PTN: variants seen among roughly 807,000 people sequenced by gnomAD.
The protein encoded by PTN is heparin affin regulatory protein.
Under a neutral mutation model 24.1 loss-of-function variants are expected in PTN, and 18 were observed. That is an observed-to-expected ratio of 0.75 (90% CI 0.52 to 1.11). The LOEUF (loss-of-function observed/expected upper bound fraction) is 1.11. Among genes scored for constraint, PTN ranks in the 50% least tolerant of loss-of-function variants. PTN has a pLI of 0.00. For synonymous variants in PTN, 78 were observed against 68.6 expected (o/e 1.14, Z -0.67); for missense variants, 163 against 198.8 (o/e 0.82, Z 1.08).
intron 4 of PTN, among the ~76,000 whole-genome samples, chr7:137,237,306 C>T (rs1808540891): frequency 6.6e-6 from 1 of 152,106 alleles, no homozygotes; most frequent in African/African-American, 2.4e-5. Flanking sequence ...CCTCATAGGG[C>T]ACCAACCCTG....
chr7:137,301,077 GAGTAT>G (rs946141863), intron 1 of PTN, among the ~76,000 whole-genome samples: 1 of 151,950 alleles, frequency 6.6e-6, no homozygotes, highest in African/African-American at 2.4e-5. Flanking sequence ...AATGTATAAA[GAGTAT>G]AGTACAGTAT....
chr7:137,256,556 C>T (rs928373134), intron 1 of PTN, among the ~76,000 whole-genome samples: 3 of 152,106 alleles, frequency 2.0e-5, no homozygotes, highest in Non-Finnish European at 4.4e-5. Flanking sequence ...TTTCTTTATC[C>T]AGTCTATCAT....
At chr7:137,298,718 C>T (rs558766847) in intron 1 of PTN, among the ~76,000 whole-genome samples, 1 of 152,112 alleles carries the variant, frequency 6.6e-6, no homozygotes, top group Admixed American at 6.6e-5. Context: ...TGTCAACTCC[C>T]TTTGCTCTTG....
chr7:137,255,272 G>A (rs1808901202), intron 1 of PTN, among the ~76,000 whole-genome samples: 1 of 152,168 alleles, frequency 6.6e-6, no homozygotes, highest in African/African-American at 2.4e-5. Flanking sequence ...AACTTTGAAG[G>A]CATGCATTTG....
In PTN at chr7:137,254,981, A is replaced by G; in HGVS notation, c.-1-7T>C. The G allele has an allele frequency of 6.6e-7, 1 of 1,514,622 alleles. No individual in the cohort carries two copies. Among genetic ancestry groups the G allele is most frequent in the Non-Finnish European group, 9.0e-7 (1 of 1,110,196 alleles). The allele number at this position is 1,514,622 out of a possible 1,614,324, so 93.8% of individuals were successfully genotyped here. A position where few individuals can be genotyped will look rare whatever the true frequency, so the allele number is the denominator to read the frequency against. The stretch of plus-strand genomic sequence containing the variant: ...GTACTGTTGAGCCTGCATTCTAGGA[A>G]TAAACAGAGAAAGAGAAGAAGGTGG... On this transcript the variant is annotated splice_region_variant and splice_polypyrimidine_tract_variant and intron_variant, in intron 1 of 4. Transcript: ENST00000348225.
At chr7:137,317,459 T>C (rs1409926209) in intron 1 of PTN, among the ~76,000 whole-genome samples, 2 of 152,200 alleles carry the variant, frequency 1.3e-5, no homozygotes, top group African/African-American at 4.8e-5. Context: ...GGAGGAATCC[T>C]AGAGATCCCC....
chr7:137,295,352 A>G (rs1213796296), intron 1 of PTN, among the ~76,000 whole-genome samples: 2 of 152,132 alleles, frequency 1.3e-5, no homozygotes, highest in Non-Finnish European at 2.9e-5. Flanking sequence ...CTCAAAGCAG[A>G]TACCATTGTA....
rs115471987 is a variant in PTN at position 137,311,890 on chromosome 7, C to T, written c.-2+31549G>A. ...ATGACACAGAGACACAAAGCGACCA[C>T]ATGCTGTTGGAAAATGGTGCTGATA... On this transcript the variant is annotated intron_variant, in intron 1 of 4. Transcript: ENST00000348225. 1.9e-4 allele frequency among the ~76,000 whole-genome samples: 26 copies of T among 137,760 alleles called. 2 individuals are homozygous for T. Among genetic ancestry groups the T allele is most frequent in the African/African-American group, 8.9e-4 (25 of 28,036 alleles). The allele number at this position is 137,760 out of a possible 152,430, so 90.4% of individuals were successfully genotyped here. A position where few individuals can be genotyped will look rare whatever the true frequency, so the allele number is the denominator to read the frequency against.
At chr7:137,292,536 T>C (rs1460321272) in intron 1 of PTN, among the ~76,000 whole-genome samples, 2 of 152,170 alleles carry the variant, frequency 1.3e-5, no homozygotes, top group Non-Finnish European at 2.9e-5. Flanking sequence ...TCTGCCATAA[T>C]TGTGAGGCCT....
chr7:137,233,395 T>C (rs1379139209), intron 4 of PTN, among the ~76,000 whole-genome samples: 1 of 151,954 alleles, frequency 6.6e-6, no homozygotes, highest in Admixed American at 6.6e-5. Flanking sequence ...TCATGTGAGA[T>C]TATGTCCTCT....
At chr7:137,233,913 CATATATGTATATATGT>C (rs1237666578) in intron 4 of PTN, among the ~76,000 whole-genome samples, 1 of 145,546 alleles carries the variant, frequency 6.9e-6, no homozygotes, top group African/African-American at 2.6e-5. Context: ...CACACACATA[CATATATGTATATATGT>C]ATACATATAT....
chr7:137,242,835 C>A (rs1288494079), intron 4 of PTN, among the ~76,000 whole-genome samples: 2 of 152,216 alleles, frequency 1.3e-5, no homozygotes, highest in African/African-American at 4.8e-5. Flanking sequence ...AGAGCCACAG[C>A]ACCCCCACGG....
chr7:137,284,583 T>C (rs777356698), intron 1 of PTN, among the ~76,000 whole-genome samples: 3 of 152,184 alleles, frequency 2.0e-5, no homozygotes, highest in Non-Finnish European at 4.4e-5. Context: ...AGTGATTTTA[T>C]TGCCATAGAG....
chr7:137,286,083 C>T (rs1173123394), intron 1 of PTN, among the ~76,000 whole-genome samples: 1 of 152,146 alleles, frequency 6.6e-6, no homozygotes, highest in Non-Finnish European at 1.5e-5. Context: ...TTTTTTAAAA[C>T]TCATATGCAC....
intron 3 of PTN, among the ~76,000 whole-genome samples, chr7:137,251,868 T>C (rs1808833397): frequency 6.6e-6 from 1 of 151,924 alleles, no homozygotes; most frequent in Admixed American, 6.5e-5. Context: ...CAATAGTCTG[T>C]TTCTTCCTAT....
chr7:137,317,142 T>C (rs78813592), intron 1 of PTN, among the ~76,000 whole-genome samples: 1 of 152,250 alleles, frequency 6.6e-6, no homozygotes, highest in Admixed American at 6.5e-5. Flanking sequence ...TCACTCCATA[T>C]GTCAGGCTTG....
chr7:137,269,718 C>T (rs1257020439), intron 1 of PTN, among the ~76,000 whole-genome samples: 4 of 148,400 alleles, frequency 2.7e-5, no homozygotes, highest in African/African-American at 7.5e-5. Flanking sequence ...CTGCAACCTC[C>T]ACCTCCTGGG....
chr7:137,233,974 G>GTA (rs1413236877), intron 4 of PTN, among the ~76,000 whole-genome samples: 5 of 148,886 alleles, frequency 3.4e-5, no homozygotes, highest in Non-Finnish European at 4.5e-5. Flanking sequence ...ACATATATAT[G>GTA]TATATATATA....
intron 4 of PTN, among the ~76,000 whole-genome samples, chr7:137,246,887 A>C (rs2128870123): frequency 6.6e-6 from 1 of 152,176 alleles, no homozygotes; most frequent in South Asian, 2.1e-4. Flanking sequence ...AAGCTGTGAA[A>C]CCTCAAATGA....
Sources: gnomAD v4.1 joint callset for allele counts (sites outside exome capture counted in the v4.1 genomes callset) on GRCh38, gnomAD v4.1.1 for gene constraint, MANE v1.5 for transcripts, NCBI Gene and HGNC (gene_info 2026-07-23, HGNC 2026-07-21) for gene names.